Variants in DSCAM observed in about 807,000 individuals in gnomAD.
The protein encoded by DSCAM is DS cell adhesion molecule, also known as cell adhesion molecule DSCAM.
Under a neutral mutation model 217.7 loss-of-function variants are expected in DSCAM, and 47 were observed. The observed-to-expected ratio is 0.22, with a 90% CI of 0.17 to 0.28. The LOEUF (loss-of-function observed/expected upper bound fraction) is 0.28, where lower values mean the gene tolerates loss of function less well. Ranked by LOEUF, DSCAM falls within the 10% of genes least tolerant of loss-of-function variation. DSCAM has a pLI of 1.00. For synonymous variants in DSCAM, 1,056 were observed against 1,015.3 expected, an observed-to-expected ratio of 1.04 and a Z score of -0.76; for missense variants, 2,080 against 2,618.3, an observed-to-expected ratio of 0.79 and a Z score of 4.49.
At chr21:40,167,119 T>C (rs534453307) in intron 16 of DSCAM, 99 bp downstream of exon 16, 2 of 1,064,056 alleles carry the variant, frequency 1.9e-6, no homozygotes, top group East Asian at 4.9e-5. Context: ...AATAAAAGTT[T>C]TGTAAAATTC....
At chr21:40,552,143 G>T (rs140792149) in intron 3 of DSCAM, among the ~76,000 whole-genome samples, 2 of 151,958 alleles carry the variant, frequency 1.3e-5, no homozygotes, top group Admixed American at 1.3e-4. Context: ...GTGAAACCCC[G>T]TCTCTACTAA....
rs567197859 is a variant in DSCAM at position 40,256,530 on chromosome 21, A to C, written c.2356+19567T>G. 1.2e-4 allele frequency among the ~76,000 whole-genome samples: 19 copies of C among 152,246 alleles called. No homozygotes were observed. The South Asian group carries it at 3.9e-3, about 32-fold the overall frequency. On this transcript the variant is annotated intron_variant, in intron 11 of 32. Coordinates refer to ENST00000400454, the MANE Select transcript of DSCAM (RefSeq NM_001389.5). ...AATTGTGTGGGCTAGTAAGTCTAAAATTTGCCGGGCCAGCCAGCAGGCTGT... is the reference window on the plus strand; with the variant it reads ...AATTGTGTGGGCTAGTAAGTCTAAACTTTGCCGGGCCAGCCAGCAGGCTGT...
At chr21:40,017,606 G>T (rs1381038134) in intron 32 of DSCAM, among the ~76,000 whole-genome samples, 1 of 151,590 alleles carries the variant, frequency 6.6e-6, no homozygotes, top group Admixed American at 6.6e-5. Context: ...TTGTCGCCCA[G>T]GCTGGAGTGC....
intron 3 of DSCAM, among the ~76,000 whole-genome samples, chr21:40,391,484 T>A (rs574283045): frequency 6.6e-6 from 1 of 152,238 alleles, no homozygotes; most frequent in Non-Finnish European, 1.5e-5. Context: ...TGAAAGTAAT[T>A]TAATACAACC....
At chr21:40,022,629 C>T (rs560475718) in intron 32 of DSCAM, among the ~76,000 whole-genome samples, 1 of 152,328 alleles carries the variant, frequency 6.6e-6, no homozygotes, top group African/African-American at 2.4e-5. Context: ...GAGGCAGGAG[C>T]TGATTCCAGT....
chr21:40,105,910 T>C (rs1024434808), intron 20 of DSCAM, among the ~76,000 whole-genome samples: 4 of 152,256 alleles, frequency 2.6e-5, no homozygotes, highest in African/African-American at 9.6e-5. Flanking sequence ...ATCACATTTA[T>C]TGATTGAGTA....
At chr21:40,148,565 G>A (rs1284265843) in intron 16 of DSCAM, among the ~76,000 whole-genome samples, 1 of 151,980 alleles carries the variant, frequency 6.6e-6, no homozygotes. Context: ...TCATCTCTAG[G>A]TTATCTTTCT....
At chr21:40,116,081 T>G (rs892231410) in intron 20 of DSCAM, among the ~76,000 whole-genome samples, 1 of 151,900 alleles carries the variant, frequency 6.6e-6, no homozygotes, top group African/African-American at 2.4e-5. Flanking sequence ...TGTTCTCACT[T>G]GTATGTGGTA....
chr21:40,677,067 G>A lies in DSCAM; in HGVS notation c.508+15743C>T, dbSNP rs76969523. Among the ~76,000 whole-genome samples, 500 of 152,152 alleles carry A rather than the reference G, an allele frequency of 3.3e-3. 7 individuals are homozygous for A. Among genetic ancestry groups the A allele is most frequent in the East Asian group, 0.012 (61 of 5,168 alleles). ...TTTCACCATCTAATTAGCCGGGGGG[G>A]AATCTCAGTATGGCCTTTCTTTCCT... On this transcript the variant is annotated intron_variant, in intron 3 of 32. Coordinates refer to ENST00000400454, the MANE Select transcript of DSCAM (RefSeq NM_001389.5).
chr21:40,824,845 G>A lies in DSCAM; in HGVS notation c.43+21774C>T, dbSNP rs1043470769. Among the ~76,000 whole-genome samples the A allele has an allele frequency of 6.6e-5, 10 of 152,170 alleles. No homozygotes were observed. The South Asian group carries it at 1.0e-3, about 16-fold the overall frequency. On this transcript the variant is annotated intron_variant, in intron 1 of 32. Transcript: ENST00000400454. Reference sequence around the variant, plus strand: ...TCCTGCCAATCTTTTCACTGCCCACGTTTCCCAGTCAAAAGCATACACAAC... The same window carrying A: ...TCCTGCCAATCTTTTCACTGCCCACATTTCCCAGTCAAAAGCATACACAAC...
intron 3 of DSCAM, among the ~76,000 whole-genome samples, chr21:40,561,086 G>A (rs2076716992): frequency 6.6e-6 from 1 of 152,138 alleles, no homozygotes; most frequent in Non-Finnish European, 1.5e-5. Flanking sequence ...ACTCTGAAAC[G>A]GCTAAATTTC....
At chr21:40,618,115 T>A (rs1471565125) in intron 3 of DSCAM, among the ~76,000 whole-genome samples, 1 of 152,128 alleles carries the variant, frequency 6.6e-6, no homozygotes, top group East Asian at 1.9e-4. Flanking sequence ...GGTGTCATTG[T>A]ATTAAGAAAT....
chr21:40,576,243 G>C (rs1287110859), intron 3 of DSCAM, among the ~76,000 whole-genome samples: 1 of 152,162 alleles, frequency 6.6e-6, no homozygotes, highest in Non-Finnish European at 1.5e-5. Context: ...AAGAAACAAA[G>C]TTCTGAAATC....
intron 24 of DSCAM, among the ~76,000 whole-genome samples, chr21:40,082,079 GT>G (rs1165304761): frequency 6.6e-6 from 1 of 152,140 alleles, no homozygotes; most frequent in East Asian, 1.9e-4. Flanking sequence ...AAGGAGCCTA[GT>G]TTCTCTCACT....
At chr21:40,215,266 A>AAAAAAAG (rs2091231940) in intron 11 of DSCAM, among the ~76,000 whole-genome samples, 2 of 144,868 alleles carry the variant, frequency 1.4e-5, no homozygotes, top group South Asian at 2.2e-4. Flanking sequence ...AAAAAAAAAA[A>AAAAAAAG]GATATGGAAT....
chr21:40,693,473 T>C (rs2090562201), intron 2 of DSCAM, among the ~76,000 whole-genome samples: 1 of 152,040 alleles, frequency 6.6e-6, no homozygotes, highest in Non-Finnish European at 1.5e-5. Context: ...AAATAGTTAA[T>C]AGACCCCCTG....
At position 40,632,057 on chromosome 21, in the gene DSCAM, G is replaced by A. The variant is rs148623540; in HGVS notation, c.508+60753C>T. On this transcript the variant is annotated intron_variant, in intron 3 of 32. Transcript: ENST00000400454. Reference sequence around the variant, plus strand: ...CAGCACGCGTCCACGCAGTTGAAGAGGGCATCCTTTTACAGCTCTGAGTTT... The same window carrying A: ...CAGCACGCGTCCACGCAGTTGAAGAAGGCATCCTTTTACAGCTCTGAGTTT... Among the ~76,000 whole-genome samples, 891 of 152,326 alleles carry A rather than the reference G, an allele frequency of 5.8e-3. 42 individuals are homozygous for A. Among genetic ancestry groups the A allele is most frequent in the Non-Finnish European group, 1.2e-3 (84 of 68,028 alleles).
At chr21:40,080,881 G>C (rs936742125) in intron 24 of DSCAM, among the ~76,000 whole-genome samples, 5 of 152,086 alleles carry the variant, frequency 3.3e-5, no homozygotes, top group Non-Finnish European at 7.4e-5. Context: ...CTTCTCTTTG[G>C]TTTGAAAAAT....
At chr21:40,276,622 A>G (rs1197206494) in intron 10 of DSCAM, among the ~76,000 whole-genome samples, 1 of 152,208 alleles carries the variant, frequency 6.6e-6, no homozygotes, top group Non-Finnish European at 1.5e-5. Context: ...ATGGTGCTAA[A>G]TAAATTCCTT....
Sources: allele counts gnomAD v4.1 joint callset (sites outside exome capture counted in the v4.1 genomes callset), GRCh38; gene constraint gnomAD v4.1.1; transcripts MANE v1.5; gene names NCBI Gene and HGNC (gene_info 2026-07-23, HGNC 2026-07-21).